The following IPO8 variants were observed in gnomAD, a reference collection of about 807,000 sequenced individuals.
IPO8 encodes importin-8.
In IPO8, 65 loss-of-function variants were observed where a neutral mutation model predicts 141.2. That is an observed-to-expected ratio of 0.46 (90% CI 0.38 to 0.57). The LOEUF (loss-of-function observed/expected upper bound fraction) is 0.57, where lower values mean the gene tolerates loss of function less well. Ranked by LOEUF, IPO8 falls within the 20% of genes least tolerant of loss-of-function variation. IPO8 has a pLI of 0.00. For synonymous variants in IPO8, 411 were observed against 420.3 expected, an observed-to-expected ratio of 0.98 and a Z score of 0.27; for missense variants, 980 against 1,246.8, an observed-to-expected ratio of 0.79 and a Z score of 3.22.
rs148609347 is a variant in IPO8, at chr12:30,646,928, T to C, written c.2268+2209A>G. On this transcript the variant is annotated intron_variant, in intron 20 of 24. Transcript: ENST00000256079. ...AGATTCAGCACAATGCCTGTCACAA[T>C]CCCAGCTGGCTAATTTACTGAAATT... 2.6e-3 allele frequency among the ~76,000 whole-genome samples: 398 copies of C among 152,244 alleles called. 2 individuals are homozygous for C. The highest frequency in any genetic ancestry group is 9.3e-3 in the African/African-American group (388 of 41,550).
intron 15 of IPO8, 39 bp downstream of exon 15, chr12:30,662,288 G>T (rs772516000): frequency 1.9e-5 from 29 of 1,561,350 alleles, no homozygotes; most frequent in African/African-American, 2.7e-5. Context: ...ATTACTCAAG[G>T]TTTCTAAACC....
intron 8 of IPO8, among the ~76,000 whole-genome samples, chr12:30,672,957 T>A (rs909907082): frequency 6.8e-6 from 1 of 147,584 alleles, no homozygotes; most frequent in Non-Finnish European, 1.5e-5. Flanking sequence ...AAGAGCTATT[T>A]AAAAAAAAAA....
At position 30,652,972 on chromosome 12, in the gene IPO8, A is replaced by C. The variant is rs1225549036; in HGVS notation, c.2069T>G (p.Phe690Cys). Reference sequence around the variant, plus strand: ...TTATATGGTCAAAGCCATACCTGTAAAGTATTCAAAGCAATCCTGCTGAAA... The same window carrying C: ...TTATATGGTCAAAGCCATACCTGTACAGTATTCAAAGCAATCCTGCTGAAA... ...EVFQQDCFEY[F>C]TDMMPLLHNY... The change falls in exon 18 of 25, where the codon TTT becomes TGT. Residue 690 changes from phenylalanine to cysteine, a missense_variant. Physicochemically the swap from Phe to Cys is radical, Grantham distance 205. Coordinates refer to ENST00000256079, the MANE Select transcript of IPO8 (RefSeq NM_006390.4). The C allele has an allele frequency of 1.6e-5, 25 of 1,606,992 alleles. No homozygotes were observed. The highest frequency in any genetic ancestry group is 2.0e-5 in the Non-Finnish European group (24 of 1,177,442).
chr12:30,655,938 A>G (rs934358450), intron 17 of IPO8, among the ~76,000 whole-genome samples: 4 of 152,208 alleles, frequency 2.6e-5, no homozygotes, highest in African/African-American at 7.2e-5. Context: ...CTTGAATACG[A>G]TGGAAGACTC....
intron 2 of IPO8, among the ~76,000 whole-genome samples, chr12:30,689,194 C>G (rs545696300): frequency 6.6e-6 from 1 of 152,018 alleles, no homozygotes; most frequent in African/African-American, 2.4e-5. Context: ...GTATTAAGAA[C>G]AATGTAAGTT....
intron 3 of IPO8, among the ~76,000 whole-genome samples, chr12:30,682,747 C>T (rs528786397): frequency 4.6e-5 from 7 of 152,186 alleles, no homozygotes; most frequent in South Asian, 2.1e-4. Flanking sequence ...AAAGCATTTT[C>T]AGTTGAACAA....
At position 30,690,615 on chromosome 12, in the gene IPO8, T is replaced by C. The variant is rs1487294409; in HGVS notation, c.85-38A>G. The C allele has an allele frequency of 3.7e-6, 4 of 1,094,404 alleles. No individual in the cohort carries two copies. In the South Asian group the frequency reaches 5.5e-5, roughly 15 times the overall value. 67.8% of individuals were successfully genotyped at this position (1,094,404 alleles called of 1,614,324 possible). ...AGAAATGTTTTATAAAATAGGGCAA[T>C]ATAAGTGAGTAGCTTATAAGTTAGC... On this transcript the variant is annotated intron_variant, in intron 1 of 24. Coordinates refer to ENST00000256079, the MANE Select transcript of IPO8 (RefSeq NM_006390.4).
intron 19 of IPO8, among the ~76,000 whole-genome samples, chr12:30,651,461 T>C (rs953906105): frequency 1.2e-4 from 19 of 152,258 alleles, no homozygotes; most frequent in African/African-American, 4.6e-4. Context: ...ACACTAGCTA[T>C]TTCACTCCCA....
At position 30,693,263 on chromosome 12, in the gene IPO8, C is replaced by T. The variant is rs201402039; in HGVS notation, c.84+2301G>A. Among the ~76,000 whole-genome samples the T allele has an allele frequency of 3.9e-5, 6 of 152,290 alleles. No homozygotes were observed. In the East Asian group the frequency reaches 7.7e-4, roughly 20 times the overall value. On this transcript the variant is annotated intron_variant, in intron 1 of 24. Transcript: ENST00000256079. The stretch of plus-strand genomic sequence containing the variant: ...AAATGAGGAAGATGTATAGGGTTCG[C>T]TCAATATCCTGAGATAAAACTACAA...
intron 9 of IPO8, among the ~76,000 whole-genome samples, chr12:30,670,124 A>G (rs1373364595): frequency 1.3e-5 from 2 of 152,234 alleles, no homozygotes; most frequent in African/African-American, 4.8e-5. Flanking sequence ...CAGTATCTTT[A>G]TTAATTAATT....
At chr12:30,662,292 C>G in intron 15 of IPO8, 35 bp downstream of exon 15, 1 of 1,581,220 alleles carries the variant, frequency 6.3e-7, no homozygotes, top group Non-Finnish European at 8.6e-7. Flanking sequence ...CTCAAGGTTT[C>G]TAAACCAAAT....
Position 30,634,092 on chromosome 12 carries a change from C to T in IPO8, c.2890G>A (p.Ala964Thr), listed in dbSNP as rs765866689. ...GGAAGTAAAGACATACTTATCAGAG[C>T]TTGTGTAAAAAACTGATATTCATCC... is the stretch of plus-strand genomic sequence containing the variant. ...SVDEYQFFTQ[A>T]LITVQSRDAA... is the part of the protein sequence containing the mutation. The change falls in exon 23 of 25, where the codon GCT becomes ACT. Residue 964 changes from alanine to threonine, a missense_variant. Coordinates refer to ENST00000256079, the MANE Select transcript of IPO8 (RefSeq NM_006390.4). 6.2e-7 allele frequency: 1 copy of T among 1,612,530 alleles called. No homozygotes were observed. Among genetic ancestry groups the T allele is most frequent in the Non-Finnish European group, 8.5e-7 (1 of 1,178,754 alleles).
chr12:30,632,051 A>G (rs781142446), intron 23 of IPO8, 40 bp from the exon 24 acceptor site: 1 of 1,343,640 alleles, frequency 7.4e-7, no homozygotes, highest in Admixed American at 1.7e-5. Flanking sequence ...GGGTACAGCG[A>G]CTATTAATTT....
At chr12:30,631,752 A>G (rs556436193) in intron 24 of IPO8, 143 bp downstream of exon 24, 36 of 625,000 alleles carry the variant, frequency 5.8e-5, no homozygotes, top group African/African-American at 5.5e-4. Flanking sequence ...CAATCATACA[A>G]TAATGACAAT....
At chr12:30,688,761 C>T (rs1324895564) in intron 2 of IPO8, 1 of 154,634 alleles carries the variant, frequency 6.5e-6, no homozygotes, top group Non-Finnish European at 1.4e-5. Flanking sequence ...CATTCTAATG[C>T]ACTGTTGGTA....
intron 21 of IPO8, among the ~76,000 whole-genome samples, chr12:30,638,386 T>C (rs1006049747): frequency 6.6e-6 from 1 of 152,172 alleles, no homozygotes; most frequent in Non-Finnish European, 1.5e-5. Flanking sequence ...CATAGCAGCT[T>C]GTAAATATGT....
intron 20 of IPO8, among the ~76,000 whole-genome samples, chr12:30,643,353 G>T (rs976616886): frequency 6.6e-5 from 10 of 152,226 alleles, no homozygotes; most frequent in African/African-American, 2.4e-4. Context: ...TAGAGGAATG[G>T]AATGCCAATC....
chr12:30,670,345 T>C (rs1045841152), intron 9 of IPO8, among the ~76,000 whole-genome samples: 2 of 152,186 alleles, frequency 1.3e-5, no homozygotes, highest in Non-Finnish European at 2.9e-5. Flanking sequence ...AGGTATTCAG[T>C]TCCTAAGACT....
intron 21 of IPO8, among the ~76,000 whole-genome samples, chr12:30,638,297 TCTTCC>T (rs1238176360): frequency 3.9e-5 from 6 of 152,242 alleles, no homozygotes; most frequent in Non-Finnish European, 7.3e-5. Flanking sequence ...GATAGTATGT[TCTTCC>T]CTTCAAGGTT....
Sources: gnomAD v4.1 joint callset for allele counts (sites outside exome capture counted in the v4.1 genomes callset) on GRCh38, gnomAD v4.1.1 for gene constraint, MANE v1.5 for transcripts, NCBI Gene and HGNC (gene_info 2026-07-23, HGNC 2026-07-21) for gene names.